DLGAP2: variants seen among roughly 807,000 people sequenced by gnomAD.
DLGAP2 encodes the protein disks large-associated protein 2.
A neutral mutation model predicts 100.3 loss-of-function variants in DLGAP2; 26 were observed. That is an observed-to-expected ratio of 0.26 (90% CI 0.19 to 0.36). The LOEUF (loss-of-function observed/expected upper bound fraction) is 0.36. Ranked by LOEUF, DLGAP2 falls within the 10% of genes least tolerant of loss-of-function variation. The pLI is 1.00. For synonymous variants in DLGAP2, 886 were observed against 630.1 expected (o/e 1.41, Z -6.08); for missense variants, 1,858 against 1,453.2 (o/e 1.28, Z -4.53).
intron 2 of DLGAP2, among the ~76,000 whole-genome samples, chr8:1,218,403 G>C (rs60934519): frequency 0.048 from 7,266 of 152,168 alleles, 479 homozygotes; most frequent in African/African-American, 0.14. Flanking sequence ...GGTTGTAGGT[G>C]TGCCGCTTTA....
chr8:1,036,966 C>G (rs374651289), intron 2 of DLGAP2, among the ~76,000 whole-genome samples: 1 of 152,132 alleles, frequency 6.6e-6, no homozygotes, highest in African/African-American at 2.4e-5. Context: ...TTTCCTTCTC[C>G]TGATGAATAA....
intron 5 of DLGAP2, among the ~76,000 whole-genome samples, chr8:1,550,098 C>G (rs571148026): frequency 6.6e-6 from 1 of 152,302 alleles, no homozygotes; most frequent in Admixed American, 6.5e-5. Context: ...TCAGATGCCA[C>G]CCGTGAGAGG....
At chr8:749,242 C>T (rs182810011) in intron 1 of DLGAP2, among the ~76,000 whole-genome samples, 8 of 152,360 alleles carry the variant, frequency 5.3e-5, no homozygotes, top group South Asian at 2.1e-4. Context: ...CCCCCTGCCT[C>T]GGCCTCCCAA....
In DLGAP2 at chr8:1,124,758, C is replaced by T. The variant is rs574537056; in HGVS notation, c.74-134093C>T. On this transcript the variant is annotated intron_variant, in intron 2 of 14. Transcript: ENST00000637795. ...GTCATTGCTGTCATCTGAAATGCCACACACAGCCCCCGTGTGGTGTTTTCA... is the reference window on the plus strand; with the variant it reads ...GTCATTGCTGTCATCTGAAATGCCATACACAGCCCCCGTGTGGTGTTTTCA... Among the ~76,000 whole-genome samples the T allele has an allele frequency of 5.3e-5, 8 of 152,302 alleles. No homozygotes were observed. The South Asian group carries it at 1.7e-3, about 32-fold the overall frequency.
intron 8 of DLGAP2, among the ~76,000 whole-genome samples, chr8:1,655,770 C>T (rs1370095640): frequency 6.6e-6 from 1 of 152,226 alleles, no homozygotes; most frequent in African/African-American, 2.4e-5. Flanking sequence ...CCTTGAAGAC[C>T]TGAAGGACCT....
At chr8:1,449,494 C>T (rs1007846447) in intron 3 of DLGAP2, among the ~76,000 whole-genome samples, 2 of 152,146 alleles carry the variant, frequency 1.3e-5, no homozygotes, top group African/African-American at 4.8e-5. Context: ...GGGCATGGAC[C>T]TGGGATGTCA....
At chr8:1,130,309 A>G (rs1412734745) in intron 2 of DLGAP2, among the ~76,000 whole-genome samples, 1 of 152,174 alleles carries the variant, frequency 6.6e-6, no homozygotes, top group East Asian at 1.9e-4. Flanking sequence ...GTTTTTTGGT[A>G]TAGATGTGAT....
chr8:766,886 G>A (rs1448730547), intron 1 of DLGAP2, among the ~76,000 whole-genome samples: 1 of 152,046 alleles, frequency 6.6e-6, no homozygotes, highest in Non-Finnish European at 1.5e-5. Flanking sequence ...GTGGATGGGC[G>A]GCCTAGACTT....
intron 6 of DLGAP2, among the ~76,000 whole-genome samples, chr8:1,573,750 C>T (rs1802849888): frequency 6.6e-6 from 1 of 152,134 alleles, no homozygotes; most frequent in Admixed American, 6.5e-5. Flanking sequence ...GGAATGTGGC[C>T]CGCTCACTGG....
intron 6 of DLGAP2, among the ~76,000 whole-genome samples, chr8:1,575,112 G>C (rs983373732): frequency 2.0e-5 from 3 of 152,146 alleles, no homozygotes; most frequent in Non-Finnish European, 2.9e-5. Context: ...AGACGACAGA[G>C]TTTCTTCCTC....
rs1563052138 is a variant in DLGAP2, at chr8:1,267,634, T to TCAAATCAA, written c.106+8751_106+8752insCAAATCAA. Among the ~76,000 whole-genome samples the TCAAATCAA allele has an allele frequency of 2.6e-3, 49 of 19,202 alleles. 3 individuals are homozygous for TCAAATCAA. Among genetic ancestry groups the TCAAATCAA allele is most frequent in the African/African-American group, 8.4e-3 (34 of 4,024 alleles). 12.6% of individuals were successfully genotyped at this position (19,202 alleles called of 152,430 possible). A position where few individuals can be genotyped will look rare whatever the true frequency, so the allele number is the denominator to read the frequency against. ...AAGATAAGATAAGATAAATATTAAATAGGTCTACAAAAAGGCCTCCAGGGT... is the reference window on the plus strand; with the variant it reads ...AAGATAAGATAAGATAAATATTAAATCAAATCAAAGGTCTACAAAAAGGCCTCCAGGGT... On this transcript the variant is annotated intron_variant, in intron 3 of 14. Coordinates refer to ENST00000637795, the MANE Select transcript of DLGAP2 (RefSeq NM_001346810.2).
intron 3 of DLGAP2, among the ~76,000 whole-genome samples, chr8:1,499,856 T>C (rs1192595843): frequency 6.6e-6 from 1 of 152,196 alleles, no homozygotes; most frequent in Non-Finnish European, 1.5e-5. Context: ...TACGAACTTA[T>C]TGAAAATGGC....
intron 2 of DLGAP2, among the ~76,000 whole-genome samples, chr8:1,063,502 T>C (rs1320437089): frequency 6.7e-6 from 1 of 150,108 alleles, no homozygotes; most frequent in Middle Eastern, 3.3e-3. Flanking sequence ...TTTTCGTGCT[T>C]CTTGCCTTAG....
In DLGAP2 at chr8:1,549,083, G is replaced by C; in HGVS notation, c.630G>C (p.Leu210=). ...LPLHRDGFHT[L]QYQRTSAAAE... is the part of the protein sequence containing the mutation. ...TGCACCGGGACGGCTTCCACACGCT[G>C]CAGTACCAGAGGACGTCCGCGGCCG... The change falls in exon 5 of 15, where the codon CTG becomes CTC. Residue 210 remains leucine (L), a synonymous_variant. Coordinates refer to ENST00000637795, the MANE Select transcript of DLGAP2 (RefSeq NM_001346810.2). The C allele has an allele frequency of 2.5e-6, 4 of 1,587,188 alleles. No homozygotes were observed. The highest frequency in any genetic ancestry group is 3.4e-6 in the Non-Finnish European group (4 of 1,170,290).
chr8:1,288,027 C>T lies in DLGAP2; in HGVS notation c.106+29144C>T, dbSNP rs1430037203. On this transcript the variant is annotated intron_variant, in intron 3 of 14. Transcript: ENST00000637795. ...GTGGTTCTGTTAGGGGGACTAGTTT[C>T]GGTTGAGTGTGTGTGTGTGTGTGTA... Among the ~76,000 whole-genome samples, 182 of 48,878 alleles carry T rather than the reference C, an allele frequency of 3.7e-3. 11 individuals carry two copies. Among genetic ancestry groups the T allele is most frequent in the African/African-American group, 0.023 (175 of 7,774 alleles). The allele number at this position is 48,878 out of a possible 152,430, so 32.1% of individuals were successfully genotyped here.
intron 3 of DLGAP2, among the ~76,000 whole-genome samples, chr8:1,337,160 ATGGTGGTGATGATGATGATGG>A (rs1375638383): frequency 6.6e-6 from 1 of 150,568 alleles, no homozygotes; most frequent in Admixed American, 6.6e-5. Context: ...GATGGTGATG[ATGGTGGTGATGATGATGATGG>A]TGGTGGTGAG....
At chr8:1,155,781 G>T (rs1188852032) in intron 2 of DLGAP2, among the ~76,000 whole-genome samples, 3 of 152,180 alleles carry the variant, frequency 2.0e-5, no homozygotes, top group Non-Finnish European at 4.4e-5. Context: ...GGGACGCCCC[G>T]GTTCGGGGGC....
At chr8:844,207 A>G (rs1266925353) in intron 1 of DLGAP2, among the ~76,000 whole-genome samples, 1 of 152,238 alleles carries the variant, frequency 6.6e-6, no homozygotes, top group Non-Finnish European at 1.5e-5. Flanking sequence ...TAATTTCTCT[A>G]TTAGGAAGTG....
At chr8:1,237,256 G>A (rs1327742175) in intron 2 of DLGAP2, among the ~76,000 whole-genome samples, 1 of 131,688 alleles carries the variant, frequency 7.6e-6, no homozygotes, top group Non-Finnish European at 1.6e-5. Flanking sequence ...TCTCTCACAT[G>A]GTGCTATGTC....
Sources: gnomAD v4.1 joint callset for allele counts (sites outside exome capture counted in the v4.1 genomes callset) on GRCh38, gnomAD v4.1.1 for gene constraint, MANE v1.5 for transcripts, NCBI Gene and HGNC (gene_info 2026-07-23, HGNC 2026-07-21) for gene names.